The following XRCC6 variants were observed in gnomAD, a reference collection of about 807,000 sequenced individuals.
XRCC6 encodes X-ray repair cross complementing 6.
XRCC6 carries 5 observed loss-of-function variants against 65.7 expected under a neutral mutation model. That is an observed-to-expected ratio of 0.08 (90% CI 0.04 to 0.16). XRCC6 has a LOEUF of 0.16. Ranked by LOEUF, XRCC6 falls within the 10% of genes least tolerant of loss-of-function variation. The pLI is 1.00. For synonymous variants in XRCC6, 270 were observed against 270.6 expected, an observed-to-expected ratio of 1.00 and a Z score of 0.02; for missense variants, 447 against 738.1, an observed-to-expected ratio of 0.61 and a Z score of 4.57.
intron 2 of XRCC6, among the ~76,000 whole-genome samples, chr22:41,624,744 T>G (rs1390854095): frequency 6.6e-6 from 1 of 150,620 alleles, no homozygotes; most frequent in African/African-American, 2.5e-5. Context: ...ACACCTGTAA[T>G]CCCAGCACTT....
At chr22:41,634,145 A>G (rs777403767) in intron 3 of XRCC6, among the ~76,000 whole-genome samples, 1 of 151,852 alleles carries the variant, frequency 6.6e-6, no homozygotes, top group Non-Finnish European at 1.5e-5. Flanking sequence ...GGGGATCACC[A>G]TGGTTGGTTT....
intron 2 of XRCC6, among the ~76,000 whole-genome samples, chr22:41,622,310 C>A (rs963187461): frequency 6.6e-6 from 1 of 152,112 alleles, no homozygotes; most frequent in South Asian, 2.1e-4. Context: ...AGTTTGACAT[C>A]TTTTGGTCCC....
intron 2 of XRCC6, among the ~76,000 whole-genome samples, chr22:41,624,034 T>C (rs981272754): frequency 3.9e-5 from 6 of 152,174 alleles, no homozygotes; most frequent in Non-Finnish European, 7.3e-5. Flanking sequence ...ATAGCTCATT[T>C]TAAATATACC....
chr22:41,643,425 A>C (rs1248368161), intron 6 of XRCC6, among the ~76,000 whole-genome samples: 1 of 151,696 alleles, frequency 6.6e-6, no homozygotes, highest in African/African-American at 2.4e-5. Context: ...AAAAGAAAAC[A>C]AAAAAGTGTT....
intron 3 of XRCC6, among the ~76,000 whole-genome samples, chr22:41,629,826 T>C (rs530911098): frequency 4.6e-4 from 70 of 152,100 alleles, no homozygotes; most frequent in African/African-American, 1.6e-3. Context: ...CCTGCCACCA[T>C]GCCTGGCTAA....
chr22:41,649,413 C>T (rs1275258956), intron 7 of XRCC6, among the ~76,000 whole-genome samples: 1 of 150,968 alleles, frequency 6.6e-6, no homozygotes, highest in Non-Finnish European at 1.5e-5. Flanking sequence ...TGGGCTCAAA[C>T]GATCCAGCTG....
In XRCC6 at chr22:41,628,238, T is replaced by C; in HGVS notation, c.195+8T>C. ...TTTGACATGAGCATCCAGGTAAGAC[T>C]ACCTTTTAATTTAAGACAAATTTAA... is the stretch of plus-strand genomic sequence containing the variant. On this transcript the variant is annotated splice_region_variant and intron_variant, in intron 3 of 12. Transcript: ENST00000360079. 6.2e-7 allele frequency: 1 copy of C among 1,602,650 alleles called. No homozygotes were observed. Among genetic ancestry groups the C allele is most frequent in the Middle Eastern group, 1.7e-4 (1 of 6,010 alleles).
intron 6 of XRCC6, among the ~76,000 whole-genome samples, chr22:41,638,642 G>C (rs1018813614): frequency 6.6e-6 from 1 of 151,940 alleles, no homozygotes; most frequent in Non-Finnish European, 1.5e-5. Context: ...AAAATTAGCT[G>C]GACGTGATGG....
At chr22:41,661,522 C>G (rs1423962554) in intron 12 of XRCC6, 78 bp downstream of exon 12, 1 of 1,201,838 alleles carries the variant, frequency 8.3e-7, no homozygotes, top group East Asian at 2.4e-5. Flanking sequence ...GGGCAATATC[C>G]TTTCAGAAAT....
intron 12 of XRCC6, among the ~76,000 whole-genome samples, chr22:41,662,103 G>A (rs1308011357): frequency 6.6e-6 from 1 of 152,018 alleles, no homozygotes; most frequent in Non-Finnish European, 1.5e-5. Context: ...GGGTTGGTGG[G>A]GATGGTTAAT....
In XRCC6 at chr22:41,647,029, T is replaced by G; in HGVS notation, c.907T>G (p.Phe303Val). 6.2e-7 allele frequency: 1 copy of G among 1,614,184 alleles called. No individual in the cohort carries two copies. Among genetic ancestry groups the G allele is most frequent in the Non-Finnish European group, 8.5e-7 (1 of 1,180,036 alleles). ...NEPVKTKTRT[F>V]NTSTGGLLLP... is the part of the protein sequence containing the mutation. ...ACCAGTGAAAACCAAGACCCGGACC[T>G]TTAATACAAGTACAGGCGGTTTGCT... Residue 303 changes from phenylalanine to valine, a missense_variant, in exon 7 of 13, where the codon TTT becomes GTT. By Grantham distance (50) the Phe-to-Val change is conservative. Around this residue, in one of 4 missense-constraint regions of XRCC6, gnomAD observed 201 missense variants for 374.1 expected, o/e 0.54. Coordinates refer to ENST00000360079, the MANE Select transcript of XRCC6 (RefSeq NM_001469.5).
intron 2 of XRCC6, among the ~76,000 whole-genome samples, chr22:41,626,644 T>G (rs1053249066): frequency 1.4e-4 from 19 of 138,984 alleles, no homozygotes; most frequent in African/African-American, 4.8e-4. Context: ...TTTTTTTTTG[T>G]TTTTTTTTTT....
chr22:41,644,967 T>G (rs543955745), intron 6 of XRCC6, among the ~76,000 whole-genome samples: 1 of 152,086 alleles, frequency 6.6e-6, no homozygotes, highest in Admixed American at 6.6e-5. Context: ...CCCTCACTTA[T>G]AGAAGGTCAA....
intron 8 of XRCC6, among the ~76,000 whole-genome samples, chr22:41,651,940 C>T (rs951252880): frequency 3.9e-5 from 6 of 151,958 alleles, no homozygotes; most frequent in South Asian, 2.1e-4. Flanking sequence ...CACGCCACCA[C>T]GCCCGGCTAA....
At chr22:41,652,833 C>T (rs1479975712) in intron 8 of XRCC6, among the ~76,000 whole-genome samples, 1 of 152,028 alleles carries the variant, frequency 6.6e-6, no homozygotes, top group African/African-American at 2.4e-5. Context: ...ACTACCATGC[C>T]CAGCTAATTT....
At chr22:41,630,087 G>A (rs1380593085) in intron 3 of XRCC6, among the ~76,000 whole-genome samples, 2 of 150,368 alleles carry the variant, frequency 1.3e-5, no homozygotes, top group African/African-American at 4.9e-5. Flanking sequence ...TGGTTCAAGC[G>A]ATTCTCCTGC....
intron 2 of XRCC6, among the ~76,000 whole-genome samples, chr22:41,624,719 C>A (rs113016520): frequency 8.8e-5 from 13 of 147,602 alleles, no homozygotes; most frequent in African/African-American, 3.3e-4. Context: ...AAAATAAGGC[C>A]GGGCGCGGTG....
At chr22:41,634,269 T>G (rs975638841) in intron 3 of XRCC6, among the ~76,000 whole-genome samples, 73 of 152,030 alleles carry the variant, frequency 4.8e-4, no homozygotes, top group African/African-American at 1.7e-3. Flanking sequence ...CACTGCAGCC[T>G]TGACCTCCTG....
At chr22:41,645,953 AC>A (rs2067927753) in intron 6 of XRCC6, among the ~76,000 whole-genome samples, 1 of 151,876 alleles carries the variant, frequency 6.6e-6, no homozygotes, top group African/African-American at 2.4e-5. Context: ...GGCCTAAGCC[AC>A]CGCACCCGGC....
Sources: allele counts gnomAD v4.1 joint callset (sites outside exome capture counted in the v4.1 genomes callset), GRCh38; gene constraint gnomAD v4.1.1; regional missense constraint gnomAD v4.1.1; transcripts MANE v1.5; gene names NCBI Gene and HGNC (gene_info 2026-07-23, HGNC 2026-07-21).